The following RBMS3 variants were observed in gnomAD, a reference collection of about 807,000 sequenced individuals.
RBMS3 encodes RNA binding motif single stranded interacting protein 3.
RBMS3 carries 27 observed loss-of-function variants against 66.8 expected under a neutral mutation model. The observed-to-expected ratio is 0.40, with a 90% CI of 0.30 to 0.56. The LOEUF (loss-of-function observed/expected upper bound fraction) is 0.56. Ranked by LOEUF, RBMS3 falls within the 20% of genes least tolerant of loss-of-function variation. The pLI is 0.40. For synonymous variants in RBMS3, 188 were observed against 183.0 expected (o/e 1.03, Z -0.22); for missense variants, 513 against 549.5 (o/e 0.93, Z 0.66).
At chr3:29,957,794 G>A (rs374462039) in intron 12 of RBMS3, among the ~76,000 whole-genome samples, 59 of 151,962 alleles carry the variant, frequency 3.9e-4, no homozygotes, top group African/African-American at 1.3e-3. Context: ...TCTTTTCATC[G>A]CCAAGATACC....
chr3:29,484,798 A>G (rs919301793), intron 2 of RBMS3, among the ~76,000 whole-genome samples: 156 of 152,318 alleles, frequency 1.0e-3, no homozygotes, highest in African/African-American at 3.6e-3. Context: ...TGAATGAGCC[A>G]TCTAGAAGTA....
At chr3:29,698,576 C>G in intron 4 of RBMS3, 3 of 985,286 alleles carry the variant, frequency 3.0e-6, no homozygotes, top group Non-Finnish European at 3.6e-6. Context: ...ACAAAATGAG[C>G]ATGAAGAGAA....
chr3:29,717,144 C>T (rs2053432452), intron 4 of RBMS3, among the ~76,000 whole-genome samples: 1 of 151,754 alleles, frequency 6.6e-6, no homozygotes, highest in African/African-American at 2.4e-5. Flanking sequence ...TTAGTTGCCT[C>T]CTCTGCAAAA....
chr3:29,928,138 G>C (rs1577171377), intron 10 of RBMS3, among the ~76,000 whole-genome samples: 1 of 140,502 alleles, frequency 7.1e-6, no homozygotes, highest in South Asian at 2.2e-4. Flanking sequence ...ACCCCACTTA[G>C]AACAAAAAAT....
intron 6 of RBMS3, among the ~76,000 whole-genome samples, chr3:29,820,429 G>A (rs1446742670): frequency 6.6e-6 from 1 of 151,688 alleles, no homozygotes; most frequent in Non-Finnish European, 1.5e-5. Context: ...TTAGAGGATT[G>A]AATCTATTTG....
intron 6 of RBMS3, among the ~76,000 whole-genome samples, chr3:29,821,923 A>G (rs1048969818): frequency 2.0e-5 from 3 of 152,214 alleles, no homozygotes; most frequent in Non-Finnish European, 4.4e-5. Flanking sequence ...TCTGAAAAGA[A>G]GTGACCAGGA....
chr3:29,343,507 C>T (rs2036399768), intron 1 of RBMS3, among the ~76,000 whole-genome samples: 1 of 151,698 alleles, frequency 6.6e-6, no homozygotes, highest in African/African-American at 2.4e-5. Context: ...CTATAGTTTC[C>T]CTTAAATAGA....
At chr3:30,003,333 C>A (rs1173010042) in intron 14 of RBMS3, among the ~76,000 whole-genome samples, 7 of 151,894 alleles carry the variant, frequency 4.6e-5, no homozygotes, top group Admixed American at 4.6e-4. Flanking sequence ...AAATATAGTT[C>A]CTGCTCTCAC....
intron 1 of RBMS3, among the ~76,000 whole-genome samples, chr3:29,336,033 A>G (rs1007703590): frequency 1.3e-5 from 2 of 152,202 alleles, no homozygotes; most frequent in African/African-American, 2.4e-5. Flanking sequence ...TTCTTAACAA[A>G]GGAAAACCAG....
intron 10 of RBMS3, among the ~76,000 whole-genome samples, chr3:29,920,706 T>C (rs1490467685): frequency 6.6e-6 from 1 of 152,126 alleles, no homozygotes; most frequent in African/African-American, 2.4e-5. Context: ...CAGGTCATGG[T>C]GGCTGATGCC....
intron 10 of RBMS3, among the ~76,000 whole-genome samples, chr3:29,931,691 C>T (rs192982766): frequency 3.3e-5 from 5 of 152,184 alleles, no homozygotes; most frequent in African/African-American, 1.2e-4. Flanking sequence ...AATTAGACAT[C>T]CCTACATATA....
chr3:29,879,626 T>C (rs1216926954), intron 7 of RBMS3, among the ~76,000 whole-genome samples: 2 of 152,144 alleles, frequency 1.3e-5, no homozygotes, highest in African/African-American at 4.8e-5. Flanking sequence ...TTGTTTGTAA[T>C]TTACCCAATT....
chr3:29,989,345 T>C (rs1464175353), intron 13 of RBMS3, among the ~76,000 whole-genome samples: 1 of 152,176 alleles, frequency 6.6e-6, no homozygotes, highest in East Asian at 1.9e-4. Context: ...CCTATATTCT[T>C]CTTTCTGGTT....
At chr3:29,853,919 A>G (rs2059008160) in intron 6 of RBMS3, among the ~76,000 whole-genome samples, 1 of 152,180 alleles carries the variant, frequency 6.6e-6, no homozygotes, top group African/African-American at 2.4e-5. Flanking sequence ...CTCAAAGCCC[A>G]GGGCAGAAGC....
intron 3 of RBMS3, chr3:29,537,752 G>A (rs1220180827): frequency 6.6e-6 from 1 of 151,314 alleles, no homozygotes; most frequent in African/African-American, 2.4e-5. Flanking sequence ...GAACCCGGGA[G>A]GCGGAGCTTG....
At position 29,713,735 on chromosome 3, in the gene RBMS3, A is replaced by C. The variant is rs181518979; in HGVS notation, c.400-25985A>C. 4.6e-5 allele frequency among the ~76,000 whole-genome samples: 7 copies of C among 152,232 alleles called. No individual in the cohort carries two copies. The East Asian group carries it at 1.4e-3, about 29-fold the overall frequency. On this transcript the variant is annotated intron_variant, in intron 4 of 14. Transcript: ENST00000383767. ...ATACTGTCCTGAGAGCAGTGGAACC[A>C]TTCTATGGTGAAAAACTTTGCTAAA... is the stretch of plus-strand genomic sequence containing the variant.
intron 4 of RBMS3, among the ~76,000 whole-genome samples, chr3:29,674,384 G>C (rs751699769): frequency 6.6e-6 from 1 of 152,144 alleles, no homozygotes; most frequent in Non-Finnish European, 1.5e-5. Context: ...ATTCAACATA[G>C]TGTCGGAAGT....
At chr3:29,793,838 T>C (rs2149431380) in intron 6 of RBMS3, among the ~76,000 whole-genome samples, 1 of 152,346 alleles carries the variant, frequency 6.6e-6, no homozygotes, top group South Asian at 2.1e-4. Flanking sequence ...AGTTGAAATG[T>C]AATTCCCATT....
chr3:29,911,791 T>G (rs1285066100), intron 10 of RBMS3, among the ~76,000 whole-genome samples: 1 of 152,080 alleles, frequency 6.6e-6, no homozygotes, highest in Non-Finnish European at 1.5e-5. Context: ...TATGTCTACA[T>G]GAGTTTCTTT....
Sources: allele counts gnomAD v4.1 joint callset (sites outside exome capture counted in the v4.1 genomes callset), GRCh38; gene constraint gnomAD v4.1.1; transcripts MANE v1.5; gene names NCBI Gene and HGNC (gene_info 2026-07-23, HGNC 2026-07-21).